INSRR: variants seen among roughly 807,000 people sequenced by gnomAD.
The protein encoded by INSRR is insulin receptor-related protein.
Under a neutral mutation model 130.0 loss-of-function variants are expected in INSRR, and 114 were observed. That is an observed-to-expected ratio of 0.88 (90% CI 0.75 to 1.02). INSRR has a LOEUF of 1.02. Among genes scored for constraint, INSRR ranks in the 50% least tolerant of loss-of-function variants. The pLI is 0.00. For synonymous variants in INSRR, 674 were observed against 705.2 expected (o/e 0.96, Z 0.70); for missense variants, 1,657 against 1,735.2 (o/e 0.95, Z 0.80).
At position 156,849,389 on chromosome 1, in the gene INSRR, G is replaced by A. The variant is rs1435222438; in HGVS notation, c.1301C>T (p.Thr434Ile). ...QLGSWVAAGL[T>I]IPVGKIYFAF... ...GAAGTAGATCTTGCCCACGGGAATGGTGAGCCCCGCGGCCACCCAGGACCC... is the reference window on the plus strand; with the variant it reads ...GAAGTAGATCTTGCCCACGGGAATGATGAGCCCCGCGGCCACCCAGGACCC... Residue 434 changes from threonine (T) to isoleucine (I), a missense_variant, in exon 6 of 22, where the codon ACC becomes ATC. Transcript: ENST00000368195. The A allele has an allele frequency of 6.2e-7, 1 of 1,613,782 alleles. No individual in the cohort carries two copies. Among genetic ancestry groups the A allele is most frequent in the Admixed American group, 1.7e-5 (1 of 59,984 alleles).
In INSRR at chr1:156,852,747, G is replaced by C. The variant is rs566934552; in HGVS notation, c.638-556C>G. Among the ~76,000 whole-genome samples, 20 of 152,364 alleles carry C rather than the reference G, an allele frequency of 1.3e-4. No homozygotes were observed. In the South Asian group the frequency reaches 3.9e-3, roughly 30 times the overall value. Reference sequence around the variant, plus strand: ...AGAAACTGCACAGTGGTAGCTGGCTGGCTATGGGAGCGATCTGTGGGGTAG... The same window carrying C: ...AGAAACTGCACAGTGGTAGCTGGCTCGCTATGGGAGCGATCTGTGGGGTAG... On this transcript the variant is annotated intron_variant, in intron 2 of 21. Coordinates refer to ENST00000368195, the MANE Select transcript of INSRR (RefSeq NM_014215.3).
At chr1:156,847,701 G>A (rs1655060898) in intron 7 of INSRR, among the ~76,000 whole-genome samples, 1 of 152,080 alleles carries the variant, frequency 6.6e-6, no homozygotes, top group South Asian at 2.1e-4. Context: ...GGTGTCATGG[G>A]AGCAGGTGTC....
At position 156,842,239 on chromosome 1, in the gene INSRR, C is replaced by T; in HGVS notation, c.3270G>A (p.Gly1090=). The T allele has an allele frequency of 6.2e-7, 1 of 1,613,996 alleles. No individual in the cohort carries two copies. Among genetic ancestry groups the T allele is most frequent in the Non-Finnish European group, 8.5e-7 (1 of 1,179,970 alleles). The change falls in exon 19 of 22, where the codon GGG becomes GGA. Residue 1090 remains glycine, a synonymous_variant. Coordinates refer to ENST00000368195, the MANE Select transcript of INSRR (RefSeq NM_014215.3). ...NNPGLPQPAL[G]EMIQMAGEIA... ...TCTCACCAGCCATTTGGATCATTTC[C>T]CCCAATGCTGGCTGTGGGAGCCCAG...
In INSRR at chr1:156,846,638, G is replaced by A. The variant is rs1424704699; in HGVS notation, c.1691C>T (p.Ser564Phe). The change falls in exon 8 of 22, where the codon TCC (serine) becomes TTC (phenylalanine). Residue 564 changes from serine to phenylalanine, a missense_variant. Physicochemically the swap from Ser to Phe is radical, Grantham distance 155. Transcript: ENST00000368195. ...RTQEPGVTLA[S>F]LKPWTQYAVF... is the part of the protein sequence containing the mutation. ...TGCGTACTGTGTCCAAGGCTTGAGG[G>A]AGGCTAGGGTCACCCCTGGCTCCTG... The A allele has an allele frequency of 1.9e-6, 3 of 1,614,014 alleles. No homozygotes were observed. Among genetic ancestry groups the A allele is most frequent in the Non-Finnish European group, 2.5e-6 (3 of 1,180,000 alleles).
chr1:156,853,937 G>A lies in INSRR; in HGVS notation c.452C>T (p.Ser151Phe). 1 of 1,613,936 alleles carries A rather than the reference G, an allele frequency of 6.2e-7. No individual in the cohort carries two copies. The highest frequency in any genetic ancestry group is 8.5e-7 in the Non-Finnish European group (1 of 1,179,866). The part of the protein sequence containing the change: ...VEKNQELCHL[S>F]TIDWGLLQPA... Reference sequence around the variant, plus strand: ...CTGCAGCAGTCCCCAGTCAATGGTGGAGAGGTGGCAGAGCTCCTGGTTCTT... The same window carrying A: ...CTGCAGCAGTCCCCAGTCAATGGTGAAGAGGTGGCAGAGCTCCTGGTTCTT... Residue 151 changes from serine (S) to phenylalanine (F), a missense_variant, in exon 2 of 22, where the codon TCC becomes TTC. Ser to Phe is a radical substitution (Grantham distance 155). Transcript: ENST00000368195.
At chr1:156,857,016 C>T (rs997694335) in intron 1 of INSRR, among the ~76,000 whole-genome samples, 13 of 152,138 alleles carry the variant, frequency 8.5e-5, no homozygotes, top group Non-Finnish European at 1.6e-4. Context: ...ACAAACACCA[C>T]ATGCCACATG....
intron 5 of INSRR, 74 bp downstream of exon 5, chr1:156,851,216 C>G (rs1655191765): frequency 6.3e-7 from 1 of 1,582,752 alleles, no homozygotes; most frequent in Non-Finnish European, 8.7e-7. Flanking sequence ...AGAGCCCATT[C>G]TCTTCACCAC....
intron 4 of INSRR, 76 bp from the exon 5 acceptor site, chr1:156,851,510 G>T (rs773632282): frequency 1.9e-6 from 3 of 1,603,684 alleles, no homozygotes; most frequent in Admixed American, 1.7e-5. Flanking sequence ...CTGAATGGGG[G>T]CCCCGGGAAG....
At chr1:156,844,674 CG>C in intron 13 of INSRR, 32 bp downstream of exon 13, 1 of 1,613,898 alleles carries the variant, frequency 6.2e-7, no homozygotes, top group South Asian at 1.1e-5. Context: ...AGGCACAAAA[CG>C]GGGCTGGGAC....
At chr1:156,841,253 T>C (rs1381720428) in intron 21 of INSRR, 141 bp downstream of exon 21, 2 of 968,020 alleles carry the variant, frequency 2.1e-6, no homozygotes, top group African/African-American at 3.3e-5. Flanking sequence ...GTCTTGGGGG[T>C]TTGGGATAGG....
In INSRR at chr1:156,845,307, C is replaced by A. The variant is rs777858591; in HGVS notation, c.2217-11G>T. On this transcript the variant is annotated splice_polypyrimidine_tract_variant and intron_variant, in intron 11 of 21. Coordinates refer to ENST00000368195, the MANE Select transcript of INSRR (RefSeq NM_014215.3). ...TGCCGCCCTGAGTCCCTGGGGAGAG[C>A]GAGTCAGAGCCAAGGCCCAGCCCCC... The A allele has an allele frequency of 3.7e-6, 6 of 1,611,888 alleles. No homozygotes were observed. In the South Asian group the frequency reaches 6.6e-5, roughly 18 times the overall value.
chr1:156,845,537 A>ACAAACCCCCCCCCCCCCCCC, intron 10 of INSRR, 82 bp downstream of exon 10: 1 of 648,974 alleles, frequency 1.5e-6, no homozygotes, highest in Non-Finnish European at 2.2e-6. Flanking sequence ...GGCCCCACCC[A>ACAAACCCCCCCCCCCCCCCC]CAAACCCCAC....
intron 12 of INSRR, 45 bp from the exon 13 acceptor site, chr1:156,844,888 T>C: frequency 6.2e-7 from 1 of 1,610,262 alleles, no homozygotes. Context: ...GTGGTTCATC[T>C]CACCTTATGT....
chr1:156,843,528 A>T, intron 15 of INSRR, 49 bp from the exon 16 acceptor site: 1 of 1,547,158 alleles, frequency 6.5e-7, no homozygotes, highest in Non-Finnish European at 8.9e-7. Context: ...TCAGGAAGGA[A>T]TGAGCAACAT....
At chr1:156,852,284 A>G in intron 2 of INSRR, 93 bp from the exon 3 acceptor site, 1 of 1,263,406 alleles carries the variant, frequency 7.9e-7, no homozygotes. Context: ...TCTTGGGATG[A>G]CACTCAATCT....
Position 156,845,352 on chromosome 1 carries a change from C to A in INSRR, c.2216+20G>T. The A allele has an allele frequency of 6.2e-7, 1 of 1,604,032 alleles. No individual in the cohort carries two copies. ...GCCCCCAAAGCCACGCCCCTCAGCA[C>A]CTGCCCTAGTCCTGCTCACCTTTGG... On this transcript the variant is annotated intron_variant, in intron 11 of 21. Coordinates refer to ENST00000368195, the MANE Select transcript of INSRR (RefSeq NM_014215.3).
chr1:156,843,373 C>T (rs988917281), intron 16 of INSRR, 54 bp downstream of exon 16: 13 of 1,593,204 alleles, frequency 8.2e-6, no homozygotes, highest in Non-Finnish European at 1.0e-5. Flanking sequence ...TCTGTCTCTG[C>T]TCCTCTCCTG....
Position 156,851,390 on chromosome 1 carries a change from T to C in INSRR, c.1129A>G (p.Thr377Ala), listed in dbSNP as rs1456602368. ...QLQHSLGLVE[T>A]ITGFLKIKHS... ...TTGATTTTGAGGAAGCCAGTAATGG[T>C]TTCTACCAGCCCCAGGCTGTGCTGC... Residue 377 changes from threonine (T) to alanine (A), a missense_variant, in exon 5 of 22, where the codon ACC (threonine) becomes GCC (alanine). Transcript: ENST00000368195. 1 of 1,614,082 alleles carries C rather than the reference T, an allele frequency of 6.2e-7. No individual in the cohort carries two copies.
chr1:156,844,362 A>G, intron 14 of INSRR, 82 bp from the exon 15 acceptor site: 1 of 1,500,616 alleles, frequency 6.7e-7, no homozygotes, highest in Non-Finnish European at 9.2e-7. Flanking sequence ...CCATGCTGGG[A>G]GGTGAGGATG....
Sources: gnomAD v4.1 joint callset for allele counts (sites outside exome capture counted in the v4.1 genomes callset) on GRCh38, gnomAD v4.1.1 for gene constraint, MANE v1.5 for transcripts, NCBI Gene and HGNC (gene_info 2026-07-23, HGNC 2026-07-21) for gene names.